Variants in PIEZO2 observed in about 807,000 individuals in gnomAD.
PIEZO2 encodes piezo type mechanosensitive ion channel component 2, also known as piezo-type mechanosensitive ion channel component 2.
In PIEZO2, 172 loss-of-function variants were observed where a neutral mutation model predicts 337.3. The ratio of observed to expected loss-of-function variants is 0.51; its 90% CI spans 0.45 to 0.58. PIEZO2 has a LOEUF of 0.58. Ranked by LOEUF, PIEZO2 falls within the 20% of genes least tolerant of loss-of-function variation. The pLI is 0.00. For synonymous variants in PIEZO2, 1,251 were observed against 1,228.5 expected, an observed-to-expected ratio of 1.02 and a Z score of -0.38; for missense variants, 3,028 against 3,391.3, an observed-to-expected ratio of 0.89 and a Z score of 2.66.
At chr18:11,023,833 G>C (rs978977662) in intron 2 of PIEZO2, among the ~76,000 whole-genome samples, 3 of 152,324 alleles carry the variant, frequency 2.0e-5, no homozygotes, top group South Asian at 2.1e-4. Context: ...CGAGCGCAGC[G>C]CCGGTGGGCC....
At chr18:10,732,600 G>A (rs4274488) in intron 35 of PIEZO2, among the ~76,000 whole-genome samples, 49,591 of 152,016 alleles carry the variant, frequency 0.33, 8,937 homozygotes, top group East Asian at 0.53. Context: ...TGAATTTCAC[G>A]AGAAATTAAA....
chr18:10,841,615 A>T (rs1310075324), intron 7 of PIEZO2, among the ~76,000 whole-genome samples: 1 of 152,220 alleles, frequency 6.6e-6, no homozygotes. Context: ...CTTCAAAATT[A>T]AGGGAGAAAT....
In PIEZO2 at chr18:11,035,774, A is replaced by G. The variant is rs1040744999; in HGVS notation, c.160+30353T>C. On this transcript the variant is annotated intron_variant, in intron 2 of 55. Transcript: ENST00000674853. This position sits in a 1 kb window ranked among gnomAD's most constrained non-coding sequence, Gnocchi z 4.3. ...CTGGGAAGATGAGCTAAACAGGTGC[A>G]GCACATATTTGTAAATAAGCCAACT... 1.3e-5 allele frequency among the ~76,000 whole-genome samples: 2 copies of G among 152,232 alleles called. No individual in the cohort carries two copies. Among genetic ancestry groups the G allele is most frequent in the African/African-American group, 4.8e-5 (2 of 41,462 alleles).
At chr18:11,053,292 CT>C (rs1441247440) in intron 2 of PIEZO2, among the ~76,000 whole-genome samples, 7 of 152,216 alleles carry the variant, frequency 4.6e-5, no homozygotes, top group African/African-American at 1.7e-4. Flanking sequence ...CCAAAAAAAC[CT>C]TGCAAATTTC....
chr18:11,041,210 C>A (rs1465651762), intron 2 of PIEZO2, among the ~76,000 whole-genome samples: 1 of 152,194 alleles, frequency 6.6e-6, no homozygotes, highest in Non-Finnish European at 1.5e-5. Flanking sequence ...CCAGGGAACC[C>A]TAAACAGTCA....
rs1004240707 is a variant in PIEZO2 at position 10,899,857 on chromosome 18, A to C, written c.329+11329T>G. On this transcript the variant is annotated intron_variant, in intron 4 of 55. Transcript: ENST00000674853. The surrounding 1 kb of genome is among the most constrained non-coding windows in gnomAD (Gnocchi z 4.6). ...TAATGACCTGGGAATTCAGTTTTTT[A>C]GTTCAAGAATGCACTGTTTTCTGTA... 6.6e-6 allele frequency among the ~76,000 whole-genome samples: 1 copy of C among 152,172 alleles called. No homozygotes were observed. Among genetic ancestry groups the C allele is most frequent in the African/African-American group, 2.4e-5 (1 of 41,434 alleles).
intron 2 of PIEZO2, among the ~76,000 whole-genome samples, chr18:10,991,388 AC>A (rs1392187909): frequency 6.1e-5 from 3 of 49,428 alleles, no homozygotes; most frequent in Non-Finnish European, 8.6e-5. Context: ...CTTGCCCCCC[AC>A]CCCCCGACAG....
At chr18:11,147,634 G>A (rs1365951044) in intron 1 of PIEZO2, among the ~76,000 whole-genome samples, 1 of 152,228 alleles carries the variant, frequency 6.6e-6, no homozygotes, top group Non-Finnish European at 1.5e-5. Flanking sequence ...TGGTGAGAGG[G>A]AGAGCAAAGA....
At chr18:10,695,719 T>C (rs1567956859) in intron 47 of PIEZO2, among the ~76,000 whole-genome samples, 1 of 152,110 alleles carries the variant, frequency 6.6e-6, no homozygotes, top group Non-Finnish European at 1.5e-5. Context: ...CTCTCAAAAA[T>C]GCCCCCAAGA....
In PIEZO2 at chr18:10,821,595, CTT is replaced by C. The variant is rs1374851507; in HGVS notation, c.918-14323_918-14322del. On this transcript the variant is annotated intron_variant, in intron 7 of 55. Coordinates refer to ENST00000674853, the MANE Select transcript of PIEZO2 (RefSeq NM_001378183.1). This position sits in a 1 kb window ranked among gnomAD's most constrained non-coding sequence, Gnocchi z 4.2. ...AATTACATCTTGCCTTATTTTCTCT[CTT>C]CTTACCTCATTTCAGATACAACCTA... 1.3e-5 allele frequency among the ~76,000 whole-genome samples: 2 copies of C among 152,188 alleles called. No homozygotes were observed. Among genetic ancestry groups the C allele is most frequent in the Non-Finnish European group, 1.5e-5 (1 of 68,034 alleles).
chr18:10,697,859 C>G lies in PIEZO2; in HGVS notation c.6716G>C (p.Ser2239Thr). ...CAAAACACTGCTTCCTTTTTGACTGCTGTTTCGGGTGCTTGTGCTGCCTAG... is the reference window on the plus strand; with the variant it reads ...CAAAACACTGCTTCCTTTTTGACTGGTGTTTCGGGTGCTTGTGCTGCCTAG... ...SQRGSTSTRN[S>T]SQKGSSVLSI... Residue 2239 changes from serine to threonine, a missense_variant, in exon 45 of 56, where the codon AGC becomes ACC. Physicochemically the swap from Ser to Thr is moderately conservative, Grantham distance 58. Coordinates refer to ENST00000674853, the MANE Select transcript of PIEZO2 (RefSeq NM_001378183.1). 6.2e-7 allele frequency: 1 copy of G among 1,613,602 alleles called. No individual in the cohort carries two copies. The highest frequency in any genetic ancestry group is 1.3e-5 in the African/African-American group (1 of 75,052).
In PIEZO2 at chr18:10,672,611, A is replaced by G; in HGVS notation, c.8345+79T>C. 1 of 1,474,692 alleles carries G rather than the reference A, an allele frequency of 6.8e-7. No individual in the cohort carries two copies. The highest frequency in any genetic ancestry group is 9.2e-7 in the Non-Finnish European group (1 of 1,082,810). The allele number at this position is 1,474,692 out of a possible 1,614,324, so 91.4% of individuals were successfully genotyped here. A position where few individuals can be genotyped will look rare whatever the true frequency, so the allele number is the denominator to read the frequency against. On this transcript the variant is annotated intron_variant, in intron 55 of 55. Coordinates refer to ENST00000674853, the MANE Select transcript of PIEZO2 (RefSeq NM_001378183.1). This position sits in a 1 kb window ranked among gnomAD's most constrained non-coding sequence, Gnocchi z 4.7. ...TCTAAAATTAGCGAATTCTAAGAAG[A>G]TAAAAGGCTTCCCACTCTCAACTTT...
At chr18:10,818,888 C>A (rs534996311) in intron 7 of PIEZO2, among the ~76,000 whole-genome samples, 1 of 152,024 alleles carries the variant, frequency 6.6e-6, no homozygotes, top group Non-Finnish European at 1.5e-5. Flanking sequence ...AATATATAAC[C>A]GAATTATTGG....
In PIEZO2 at chr18:10,821,940, G is replaced by A. The variant is rs1288838351; in HGVS notation, c.918-14666C>T. On this transcript the variant is annotated intron_variant, in intron 7 of 55. Transcript: ENST00000674853. The surrounding 1 kb of genome is among the most constrained non-coding windows in gnomAD (Gnocchi z 4.2). ...ATAGTGCTAGTATAAATTTGTCAGAGAAAATCAAAGTTACACATTTTGTAA... is the reference window on the plus strand; with the variant it reads ...ATAGTGCTAGTATAAATTTGTCAGAAAAAATCAAAGTTACACATTTTGTAA... 6.6e-6 allele frequency among the ~76,000 whole-genome samples: 1 copy of A among 152,140 alleles called. No homozygotes were observed. Among genetic ancestry groups the A allele is most frequent in the African/African-American group, 2.4e-5 (1 of 41,428 alleles).
chr18:10,959,301 T>C (rs184875475), intron 3 of PIEZO2, among the ~76,000 whole-genome samples: 162 of 152,324 alleles, frequency 1.1e-3, no homozygotes, highest in Non-Finnish European at 2.0e-3. Context: ...AGTGATTTTA[T>C]AGAGATTTCA....
chr18:11,093,988 C>CT (rs978186119), intron 1 of PIEZO2, among the ~76,000 whole-genome samples: 9 of 147,846 alleles, frequency 6.1e-5, no homozygotes, highest in African/African-American at 2.0e-4. Flanking sequence ...TTTTTTCTTT[C>CT]TTTTTTTGAG....
At chr18:10,971,989 G>A (rs939641679) in intron 3 of PIEZO2, among the ~76,000 whole-genome samples, 3 of 151,906 alleles carry the variant, frequency 2.0e-5, no homozygotes, top group Non-Finnish European at 4.4e-5. Flanking sequence ...AAGAGATATG[G>A]TAAGAATTAG....
chr18:10,917,844 A>G (rs1221031162), intron 3 of PIEZO2, among the ~76,000 whole-genome samples: 1 of 152,220 alleles, frequency 6.6e-6, no homozygotes, highest in Non-Finnish European at 1.5e-5. Context: ...AAACTAAAAC[A>G]TCAGGAAATT....
Position 10,855,397 on chromosome 18 carries a change from G to T in PIEZO2, c.873C>A (p.Phe291Leu). 1.3e-6 allele frequency: 2 copies of T among 1,537,052 alleles called. No individual in the cohort carries two copies. The highest frequency in any genetic ancestry group is 1.2e-5 in the South Asian group (1 of 84,046). ...GHLIGLYLYQ[F>L]QFFQEAVPPN... ...GTGGAACTGCCTCTTGAAAGAATTG[G>T]AACTGGTATAAATAAAGTCCAATCA... The change falls in exon 7 of 56, where the codon TTC (phenylalanine) becomes TTA (leucine). Residue 291 changes from phenylalanine to leucine, a missense_variant. Phe to Leu is a conservative substitution (Grantham distance 22). Around this residue, in one of 5 missense-constraint regions of PIEZO2, gnomAD observed 542 missense variants for 605.6 expected, o/e 0.89. Coordinates refer to ENST00000674853, the MANE Select transcript of PIEZO2 (RefSeq NM_001378183.1). This position sits in a 1 kb window ranked among gnomAD's most constrained non-coding sequence, Gnocchi z 4.9.
Sources: allele counts gnomAD v4.1 joint callset (sites outside exome capture counted in the v4.1 genomes callset), GRCh38; gene constraint gnomAD v4.1.1; regional missense constraint gnomAD v4.1.1; non-coding constraint Gnocchi (gnomAD v3.1); transcripts MANE v1.5; gene names NCBI Gene and HGNC (gene_info 2026-07-23, HGNC 2026-07-21).